The following NELL1 variants were observed in gnomAD, a reference collection of about 807,000 sequenced individuals.
NELL1 encodes neural EGFL like 1.
In NELL1, 76 loss-of-function variants were observed where a neutral mutation model predicts 107.4. The observed-to-expected ratio is 0.71, with a 90% CI of 0.59 to 0.86. NELL1 has a LOEUF of 0.86. Ranked by LOEUF, NELL1 falls within the 40% of genes least tolerant of loss-of-function variation. NELL1 has a pLI of 0.00. For synonymous variants in NELL1, 353 were observed against 341.2 expected, an observed-to-expected ratio of 1.03 and a Z score of -0.38; for missense variants, 1,024 against 1,005.5, an observed-to-expected ratio of 1.02 and a Z score of -0.25.
chr11:20,970,152 TAG>T (rs1330154540), intron 12 of NELL1, among the ~76,000 whole-genome samples: 1 of 151,622 alleles, frequency 6.6e-6, no homozygotes, highest in Non-Finnish European at 1.5e-5. Context: ...ATAGTTTGTG[TAG>T]AGTCATTGTG....
chr11:21,497,245 A>T (rs1237352871), intron 15 of NELL1, among the ~76,000 whole-genome samples: 2 of 151,924 alleles, frequency 1.3e-5, no homozygotes, highest in Non-Finnish European at 2.9e-5. Flanking sequence ...AACATGGCAC[A>T]TGTATACATA....
At chr11:21,527,900 T>G (rs556278180) in intron 15 of NELL1, among the ~76,000 whole-genome samples, 1 of 152,310 alleles carries the variant, frequency 6.6e-6, no homozygotes, top group African/African-American at 2.4e-5. Flanking sequence ...TGGAAGCTGA[T>G]TAGATGGTGC....
intron 12 of NELL1, among the ~76,000 whole-genome samples, chr11:21,013,011 C>G (rs1344184780): frequency 6.6e-6 from 1 of 151,954 alleles, no homozygotes; most frequent in Admixed American, 6.6e-5. Context: ...GGTCTGGTCT[C>G]CAAGAAAAGA....
intron 12 of NELL1, among the ~76,000 whole-genome samples, chr11:20,961,344 C>T (rs763397274): frequency 1.1e-4 from 16 of 152,162 alleles, no homozygotes; most frequent in Non-Finnish European, 1.8e-4. Flanking sequence ...TTCCAACGTG[C>T]TCATGGCTCC....
At chr11:21,376,293 A>G (rs1379319493) in intron 15 of NELL1, among the ~76,000 whole-genome samples, 1 of 152,078 alleles carries the variant, frequency 6.6e-6, no homozygotes, top group Admixed American at 6.6e-5. Context: ...AGCACCATTT[A>G]TTGAATAGGG....
chr11:21,477,522 C>T (rs1225309659), intron 15 of NELL1, among the ~76,000 whole-genome samples: 1 of 152,090 alleles, frequency 6.6e-6, no homozygotes, highest in Admixed American at 6.6e-5. Flanking sequence ...GTGCAGTTAC[C>T]AAAAACTTAG....
At chr11:21,116,321 A>G (rs1003007255) in intron 13 of NELL1, among the ~76,000 whole-genome samples, 5 of 151,814 alleles carry the variant, frequency 3.3e-5, no homozygotes, top group Middle Eastern at 3.4e-3. Flanking sequence ...GAAAGGTTAG[A>G]GTACCCTCCG....
chr11:21,546,620 T>C (rs1190140797), intron 16 of NELL1, among the ~76,000 whole-genome samples: 2 of 152,074 alleles, frequency 1.3e-5, no homozygotes, highest in East Asian at 2.0e-4. Flanking sequence ...CCTGCCGCCA[T>C]GTAAGAGGTG....
intron 13 of NELL1, among the ~76,000 whole-genome samples, chr11:21,185,452 A>C (rs1308967499): frequency 6.6e-6 from 1 of 151,302 alleles, no homozygotes; most frequent in African/African-American, 2.4e-5. Flanking sequence ...CCGCCACCAC[A>C]CCCGGCTAAT....
At chr11:21,541,218 G>A (rs565573415) in intron 16 of NELL1, among the ~76,000 whole-genome samples, 40 of 152,182 alleles carry the variant, frequency 2.6e-4, no homozygotes, top group African/African-American at 7.0e-4. Context: ...CTATTCTTAC[G>A]GGACTGAATA....
At chr11:21,016,743 C>T (rs1490259953) in intron 12 of NELL1, among the ~76,000 whole-genome samples, 1 of 152,090 alleles carries the variant, frequency 6.6e-6, no homozygotes, top group Non-Finnish European at 1.5e-5. Flanking sequence ...CAGGCCACAT[C>T]TCTACTTGGT....
intron 14 of NELL1, among the ~76,000 whole-genome samples, chr11:21,293,889 A>G (rs930579776): frequency 2.6e-5 from 4 of 152,088 alleles, no homozygotes; most frequent in Non-Finnish European, 5.9e-5. Flanking sequence ...ATGAAAACAC[A>G]TGGAAACAGG....
chr11:21,455,284 T>TA (rs111979065), intron 15 of NELL1, among the ~76,000 whole-genome samples: 3 of 145,548 alleles, frequency 2.1e-5, no homozygotes, highest in East Asian at 2.0e-4. Flanking sequence ...GACTTTTTTT[T>TA]ATCTGGTGGC....
rs528016847 is a variant in NELL1, at chr11:21,180,328, A to T, written c.1427-49004A>T. Among the ~76,000 whole-genome samples the T allele has an allele frequency of 3.3e-5, 5 of 151,866 alleles. No homozygotes were observed. In the East Asian group the frequency reaches 9.7e-4, roughly 29 times the overall value. Reference sequence around the variant, plus strand: ...CAAATCAGCGGGTGTTAATTGGAAAACAAATTTTTTACATGACTGAAATAT... The same window carrying T: ...CAAATCAGCGGGTGTTAATTGGAAATCAAATTTTTTACATGACTGAAATAT... On this transcript the variant is annotated intron_variant, in intron 13 of 19. Transcript: ENST00000357134.
At chr11:20,901,549 G>T (rs973341138) in intron 5 of NELL1, among the ~76,000 whole-genome samples, 3 of 109,494 alleles carry the variant, frequency 2.7e-5, no homozygotes. Context: ...CTTGTAATCA[G>T]TTCCCAAGAG....
chr11:20,980,083 T>TA (rs1432002733), intron 12 of NELL1, among the ~76,000 whole-genome samples: 6 of 152,160 alleles, frequency 3.9e-5, no homozygotes, highest in African/African-American at 1.4e-4. Context: ...TTTGAATCAC[T>TA]AAAGTTTTTT....
intron 13 of NELL1, among the ~76,000 whole-genome samples, chr11:21,133,103 A>G (rs1855662389): frequency 6.6e-6 from 1 of 152,112 alleles, no homozygotes; most frequent in Non-Finnish European, 1.5e-5. Context: ...CAGTCAGGTC[A>G]TCCCAACAAG....
chr11:20,899,592 G>T (rs1461960422), intron 5 of NELL1, among the ~76,000 whole-genome samples: 3 of 151,978 alleles, frequency 2.0e-5, no homozygotes, highest in South Asian at 2.1e-4. Flanking sequence ...TACAAAGAAA[G>T]TAAAAGGAAT....
chr11:21,284,499 G>T, intron 14 of NELL1: 1 of 459,706 alleles, frequency 2.2e-6, no homozygotes, highest in South Asian at 1.5e-5. Flanking sequence ...TGCTGTGGGG[G>T]AGGTGGCATC....
Sources: gnomAD v4.1 joint callset for allele counts (sites outside exome capture counted in the v4.1 genomes callset) on GRCh38, gnomAD v4.1.1 for gene constraint, MANE v1.5 for transcripts, NCBI Gene and HGNC (gene_info 2026-07-23, HGNC 2026-07-21) for gene names.